The following C9 variants were observed in gnomAD, a reference collection of about 807,000 sequenced individuals.
C9 encodes the protein complement C9.
C9 carries 63 observed loss-of-function variants against 65.4 expected under a neutral mutation model. The ratio of observed to expected loss-of-function variants is 0.96; its 90% confidence interval spans 0.79 to 1.19. The LOEUF (loss-of-function observed/expected upper bound fraction) is 1.19. Among genes scored for constraint, C9 ranks in the 50% most tolerant of loss-of-function variants. The pLI, the probability that C9 is intolerant of heterozygous loss-of-function variation, is 0.00. For synonymous variants in C9, 229 were observed against 227.9 expected (o/e 1.00, Z -0.04); for missense variants, 744 against 670.1 (o/e 1.11, Z -1.22).
intron 9 of C9, among the ~76,000 whole-genome samples, chr5:39,300,679 C>A (rs1222066625): frequency 6.6e-6 from 1 of 151,744 alleles, no homozygotes; most frequent in Non-Finnish European, 1.5e-5. Context: ...TGTAATAATT[C>A]TAAATTTGTA....
Position 39,308,358 on chromosome 5 carries a change from C to A in C9, c.1112G>T (p.Gly371Val). The A allele has an allele frequency of 1.9e-6, 3 of 1,581,576 alleles. No individual in the cohort carries two copies. Among genetic ancestry groups the A allele is most frequent in the Non-Finnish European group, 2.6e-6 (3 of 1,150,540 alleles). Reference protein sequence around the residue: ...VLDKASMKRKGVELKDIKRCL... With the variant: ...VLDKASMKRKVVELKDIKRCL... The stretch of plus-strand genomic sequence containing the variant: ...TCTCTTTATGTCTTTTAGTTCAACA[C>A]CTGTTTAATGAATTTATTTGAAAAT... Residue 371 changes from glycine to valine, a missense_variant and splice_region_variant, in exon 8 of 11, where the codon GGT (glycine) becomes GTT (valine). Transcript: ENST00000263408.
At chr5:39,313,712 A>T (rs892943838) in intron 6 of C9, among the ~76,000 whole-genome samples, 1 of 152,112 alleles carries the variant, frequency 6.6e-6, no homozygotes, top group East Asian at 1.9e-4. Context: ...ATTTGATTGT[A>T]TTCTATTTTC....
chr5:39,341,387 G>T, intron 3 of C9, 94 bp from the exon 4 acceptor site: 1 of 1,505,424 alleles, frequency 6.6e-7, no homozygotes, highest in South Asian at 1.1e-5. Flanking sequence ...CTGGAGGTGA[G>T]GTATCAGAAA....
At chr5:39,299,955 G>T (rs1160216566) in intron 9 of C9, among the ~76,000 whole-genome samples, 1 of 152,040 alleles carries the variant, frequency 6.6e-6, no homozygotes, top group East Asian at 1.9e-4. Context: ...ACTGGAAAAT[G>T]TACACTAAAA....
At chr5:39,330,765 A>G (rs1388454010) in intron 5 of C9, among the ~76,000 whole-genome samples, 1 of 152,230 alleles carries the variant, frequency 6.6e-6, no homozygotes, top group Non-Finnish European at 1.5e-5. Context: ...CATGTGAAAA[A>G]AAACATGCCA....
At chr5:39,316,370 G>A (rs1753569911) in intron 5 of C9, among the ~76,000 whole-genome samples, 1 of 152,084 alleles carries the variant, frequency 6.6e-6, no homozygotes. Context: ...TTTAAGTTCT[G>A]GGGTACATGT....
intron 9 of C9, among the ~76,000 whole-genome samples, chr5:39,305,252 G>A (rs1306695291): frequency 3.3e-5 from 5 of 151,728 alleles, no homozygotes; most frequent in African/African-American, 1.2e-4. Flanking sequence ...GTCCTACTTT[G>A]GGACAAAATA....
At chr5:39,363,099 A>AT (rs1291165552) in intron 1 of C9, among the ~76,000 whole-genome samples, 1 of 152,144 alleles carries the variant, frequency 6.6e-6, no homozygotes, top group Non-Finnish European at 1.5e-5. Flanking sequence ...TATTATTATT[A>AT]TTTTTTAGCT....
At chr5:39,356,791 C>A (rs920671731) in intron 1 of C9, among the ~76,000 whole-genome samples, 1 of 152,170 alleles carries the variant, frequency 6.6e-6, no homozygotes, top group Non-Finnish European at 1.5e-5. Context: ...AGCCCAACAC[C>A]CCCTCCTCAG....
chr5:39,311,163 A>G lies in C9; in HGVS notation c.1085T>C (p.Leu362Ser), dbSNP rs970195336. 3 of 1,613,374 alleles carry G rather than the reference A, an allele frequency of 1.9e-6. No homozygotes were observed. The highest frequency in any genetic ancestry group is 2.7e-5 in the African/African-American group (2 of 74,898). ...LGGLYELIYV[L>S]DKASMKRKGV... ...TTTCCGCTTCATGGAAGCTTTATCC[A>G]AAACATATATTAGTTCATAGAGTCC... is the stretch of plus-strand genomic sequence containing the variant. Residue 362 changes from leucine (L) to serine (S), a missense_variant, in exon 7 of 11, where the codon TTG becomes TCG. Transcript: ENST00000263408.
intron 1 of C9, among the ~76,000 whole-genome samples, chr5:39,359,378 T>C (rs923199243): frequency 6.6e-6 from 1 of 151,766 alleles, no homozygotes; most frequent in African/African-American, 2.4e-5. Context: ...GAGATACAGA[T>C]GTGAGAGTTG....
At chr5:39,313,340 A>G (rs1753519698) in intron 6 of C9, among the ~76,000 whole-genome samples, 1 of 152,102 alleles carries the variant, frequency 6.6e-6, no homozygotes, top group Non-Finnish European at 1.5e-5. Context: ...AAGGTCTCCA[A>G]TGACTTTCAT....
At chr5:39,363,684 C>T (rs1238261583) in intron 1 of C9, among the ~76,000 whole-genome samples, 3 of 152,196 alleles carry the variant, frequency 2.0e-5, no homozygotes, top group Non-Finnish European at 4.4e-5. Context: ...TGACCCTAAC[C>T]TCCACCATTT....
intron 1 of C9, among the ~76,000 whole-genome samples, chr5:39,359,349 C>A (rs1348550179): frequency 1.3e-5 from 2 of 151,502 alleles, no homozygotes; most frequent in Non-Finnish European, 2.9e-5. Context: ...TCACTGGGCT[C>A]AGGGAAACAA....
At position 39,341,637 on chromosome 5, in the gene C9, C is replaced by T. The variant is rs1254762153; in HGVS notation, c.247G>A (p.Gly83Arg). The part of the protein sequence containing the change: ...FNGKRCTDAV[G>R]DRRQCVPTEP... ...GTGGGCACACACTGTCGTCTGTCTC[C>T]CACAGCGTCGGTGCATCTTTTCCCA... is the stretch of plus-strand genomic sequence containing the variant. The change falls in exon 3 of 11, where the codon GGA (glycine) becomes AGA (arginine). Residue 83 changes from glycine (G) to arginine (R), a missense_variant. Coordinates refer to ENST00000263408, the MANE Select transcript of C9 (RefSeq NM_001737.5). The T allele has an allele frequency of 2.5e-6, 4 of 1,613,824 alleles. No homozygotes were observed. The highest frequency in any genetic ancestry group is 3.4e-6 in the Non-Finnish European group (4 of 1,179,822).
At chr5:39,298,569 A>T (rs984320955) in intron 9 of C9, among the ~76,000 whole-genome samples, 2 of 151,778 alleles carry the variant, frequency 1.3e-5, no homozygotes, top group South Asian at 2.1e-4. Context: ...GAAAAAATGC[A>T]TAATTGGACT....
rs1037082089 is a variant in C9 at position 39,364,451 on chromosome 5, C to T, written c.14G>A (p.Arg5Gln). 6 of 1,609,176 alleles carry T rather than the reference C, an allele frequency of 3.7e-6. No individual in the cohort carries two copies. The highest frequency in any genetic ancestry group is 2.6e-6 in the Non-Finnish European group (3 of 1,176,114). ...AATGCAGATTGCAACTGCAAAGCTC[C>T]GGCAGGCTGACATGCTGCTCTTGCT... is the stretch of plus-strand genomic sequence containing the variant. Reference protein sequence around the residue: MSACRSFAVAICILE... With the variant: MSACQSFAVAICILE... Residue 5 changes from arginine to glutamine, a missense_variant, in exon 1 of 11, where the codon CGG (arginine) becomes CAG (glutamine). Coordinates refer to ENST00000263408, the MANE Select transcript of C9 (RefSeq NM_001737.5).
chr5:39,334,424 C>A (rs2111937413), intron 4 of C9, among the ~76,000 whole-genome samples: 1 of 150,878 alleles, frequency 6.6e-6, no homozygotes. Flanking sequence ...GGCAGCCGCC[C>A]CGTCTGAGAA....
intron 1 of C9, among the ~76,000 whole-genome samples, chr5:39,342,623 T>A (rs1344284518): frequency 1.3e-5 from 2 of 152,222 alleles, no homozygotes; most frequent in East Asian, 3.9e-4. Context: ...GAGGCTAAGT[T>A]ACCTCATTCT....
Sources: gnomAD v4.1 joint callset for allele counts (sites outside exome capture counted in the v4.1 genomes callset) on GRCh38, gnomAD v4.1.1 for gene constraint, MANE v1.5 for transcripts, NCBI Gene and HGNC (gene_info 2026-07-23, HGNC 2026-07-21) for gene names.